Variants in DLGAP1 observed in about 807,000 individuals in gnomAD.
DLGAP1 encodes disks large-associated protein 1.
A neutral mutation model predicts 90.8 loss-of-function variants in DLGAP1; 11 were observed. That is an observed-to-expected ratio of 0.12 (90% CI 0.08 to 0.20). The LOEUF is 0.20. DLGAP1 is among the 10% of genes least tolerant of loss of function. The pLI is 1.00. For missense variants in DLGAP1, 1,050 were observed against 1,333.8 expected (o/e 0.79, Z 3.31); for synonymous variants, 558 against 540.7 (o/e 1.03, Z -0.44).
intron 7 of DLGAP1, among the ~76,000 whole-genome samples, chr18:3,693,696 G>A (rs556600636): frequency 1.3e-5 from 2 of 152,254 alleles, no homozygotes; most frequent in African/African-American, 2.4e-5. Context: ...GAAGTAAGAC[G>A]ACCCCAATAC....
intron 10 of DLGAP1, 68 bp from the exon 11 acceptor site, chr18:3,508,729 CAAAG>C: frequency 7.6e-7 from 1 of 1,318,478 alleles, no homozygotes; most frequent in South Asian, 1.2e-5. Context: ...TCTGGTAAAG[CAAAG>C]AGGAAGTTAT....
chr18:4,050,920 C>T (rs961970486), intron 2 of DLGAP1, among the ~76,000 whole-genome samples: 1 of 152,206 alleles, frequency 6.6e-6, no homozygotes, highest in African/African-American at 2.4e-5. Context: ...TCTACTGTGG[C>T]ATTTTCCTCT....
intron 2 of DLGAP1, among the ~76,000 whole-genome samples, chr18:4,099,301 A>G (rs768937840): frequency 0.053 from 887 of 16,840 alleles, 5 homozygotes; most frequent in Non-Finnish European, 0.074. Context: ...TCTATCATCT[A>G]TCTATCTATC....
intron 7 of DLGAP1, among the ~76,000 whole-genome samples, chr18:3,709,448 T>C (rs1028718278): frequency 6.6e-6 from 1 of 152,242 alleles, no homozygotes; most frequent in Non-Finnish European, 1.5e-5. Flanking sequence ...GTTAGCATGT[T>C]TGACCTGAAG....
chr18:4,047,264 T>A (rs1192451070), intron 2 of DLGAP1, among the ~76,000 whole-genome samples: 1 of 152,246 alleles, frequency 6.6e-6, no homozygotes, highest in Non-Finnish European at 1.5e-5. Flanking sequence ...TAATAACACA[T>A]GCATAATTAA....
At position 4,166,669 on chromosome 18, in the gene DLGAP1, GATAA is replaced by G. The variant is rs1328079613; in HGVS notation, c.-266-15386_-266-15383del. On this transcript the variant is annotated intron_variant, in intron 1 of 12. Transcript: ENST00000315677. The stretch of plus-strand genomic sequence containing the variant: ...AACACCATCCACGTGTTCATGAACA[GATAA>G]ATGAATGAACAATGTGGTATATTCG... 2.0e-5 allele frequency among the ~76,000 whole-genome samples: 3 copies of G among 152,206 alleles called. No homozygotes were observed. In the East Asian group the frequency reaches 5.8e-4, roughly 29 times the overall value.
At chr18:3,815,154 G>A (rs758988586) in intron 4 of DLGAP1, among the ~76,000 whole-genome samples, 7 of 152,284 alleles carry the variant, frequency 4.6e-5, no homozygotes, top group Non-Finnish European at 1.0e-4. Flanking sequence ...TTTAAGATTC[G>A]GGAATGTTTA....
chr18:3,963,864 A>G (rs546942474), intron 3 of DLGAP1, among the ~76,000 whole-genome samples: 29 of 152,328 alleles, frequency 1.9e-4, no homozygotes, highest in African/African-American at 5.5e-4. Flanking sequence ...GACTTTGTAC[A>G]AAGAAAAAGG....
rs772399125 is a variant in DLGAP1 at position 3,874,675 on chromosome 18, G to A, written c.957+4437C>T. 5 of 1,535,262 alleles carry A rather than the reference G, an allele frequency of 3.3e-6. No homozygotes were observed. In the South Asian group the frequency reaches 4.8e-5, roughly 15 times the overall value. ...TAAGAGCCAACCACATCTCAACTGA[G>A]AATTAAACAGTTTTAATGTCTTCAA... is the stretch of plus-strand genomic sequence containing the variant. On this transcript the variant is annotated intron_variant, in intron 4 of 12. Transcript: ENST00000315677.
intron 7 of DLGAP1, among the ~76,000 whole-genome samples, chr18:3,710,002 A>G (rs1485861744): frequency 6.6e-6 from 1 of 152,038 alleles, no homozygotes; most frequent in East Asian, 1.9e-4. Context: ...AATTACTGCT[A>G]CTCCTACAGC....
At chr18:3,947,074 T>C (rs2072891756) in intron 3 of DLGAP1, among the ~76,000 whole-genome samples, 1 of 152,172 alleles carries the variant, frequency 6.6e-6, no homozygotes. Context: ...ACTTTCCCAA[T>C]GCTCCACTCC....
chr18:3,499,019 G>C lies in DLGAP1; in HGVS notation c.*166C>G. ...ACGGGTACGGGAAGTGGGGGGCTGA[G>C]GGGGGCCCGGGGGGCGGCTCCTGCG... On this transcript the variant is annotated 3_prime_UTR_variant, in exon 13 of 13. Coordinates refer to ENST00000315677, the MANE Select transcript of DLGAP1 (RefSeq NM_004746.4). The surrounding 1 kb of genome is among the most constrained non-coding windows in gnomAD (Gnocchi z 6.4). 1.6e-6 allele frequency: 1 copy of C among 607,190 alleles called. No homozygotes were observed. Among genetic ancestry groups the C allele is most frequent in the South Asian group, 2.2e-5 (1 of 46,380 alleles). 37.6% of individuals were successfully genotyped at this position (607,190 alleles called of 1,614,324 possible).
chr18:3,734,334 C>T (rs1423613790), intron 6 of DLGAP1, among the ~76,000 whole-genome samples: 1 of 152,034 alleles, frequency 6.6e-6, no homozygotes. Context: ...CTCACTGCAG[C>T]CTCAACCTCC....
At chr18:4,375,297 T>C (rs1249805849) in intron 1 of DLGAP1, among the ~76,000 whole-genome samples, 1 of 152,182 alleles carries the variant, frequency 6.6e-6, no homozygotes, top group Non-Finnish European at 1.5e-5. Flanking sequence ...ACAGCAGTAT[T>C]TGGATTCGTT....
At chr18:4,203,580 T>C (rs2144826515) in intron 1 of DLGAP1, among the ~76,000 whole-genome samples, 1 of 152,258 alleles carries the variant, frequency 6.6e-6, no homozygotes, top group East Asian at 1.9e-4. Flanking sequence ...GCATTTAAGC[T>C]TTTAGATCTC....
At chr18:4,413,862 A>C (rs2082834891) in intron 1 of DLGAP1, among the ~76,000 whole-genome samples, 1 of 152,194 alleles carries the variant, frequency 6.6e-6, no homozygotes, top group African/African-American at 2.4e-5. Context: ...GCATGGCCAC[A>C]CTTTATTTAT....
At chr18:3,581,081 C>A (rs1021772805) in intron 8 of DLGAP1, among the ~76,000 whole-genome samples, 4 of 152,188 alleles carry the variant, frequency 2.6e-5, no homozygotes, top group African/African-American at 9.6e-5. Flanking sequence ...TAGGCTTGAA[C>A]CCCACAGCGG....
chr18:3,560,220 A>G (rs1599239786), intron 9 of DLGAP1, among the ~76,000 whole-genome samples: 1 of 151,698 alleles, frequency 6.6e-6, no homozygotes, highest in African/African-American at 2.4e-5. Context: ...GGAGATCAAG[A>G]CCATCCTGGC....
At position 4,012,249 on chromosome 18, in the gene DLGAP1, T is replaced by A. The variant is rs545611443; in HGVS notation, c.-158-7048A>T. Among the ~76,000 whole-genome samples, 4 of 152,278 alleles carry A rather than the reference T, an allele frequency of 2.6e-5. No individual in the cohort carries two copies. The East Asian group carries it at 7.7e-4, about 29-fold the overall frequency. ...GTGAATGTTCTAATACATCTGCTTG[T>A]TATACGCCTGTCTACGCATAGCACA... On this transcript the variant is annotated intron_variant, in intron 2 of 12. Transcript: ENST00000315677.
Sources: gnomAD v4.1 joint callset for allele counts (sites outside exome capture counted in the v4.1 genomes callset) on GRCh38, gnomAD v4.1.1 for gene constraint, Gnocchi (gnomAD v3.1) non-coding constraint, MANE v1.5 for transcripts, NCBI Gene and HGNC (gene_info 2026-07-23, HGNC 2026-07-21) for gene names.